HHIPL1: variants seen among roughly 807,000 people sequenced by gnomAD.
HHIPL1 encodes the protein HHIP-like protein 1.
In HHIPL1, 43 loss-of-function variants were observed where a neutral mutation model predicts 61.8. That is an observed-to-expected ratio of 0.70 (90% CI 0.55 to 0.90). The LOEUF is 0.90. Among genes scored for constraint, HHIPL1 ranks in the 40% least tolerant of loss-of-function variants. The probability of loss-of-function intolerance (pLI) is 0.00; values close to 1 mark genes in which losing one functional copy is unlikely to be tolerated. For missense variants in HHIPL1, 1,056 were observed against 1,157.7 expected (o/e 0.91, Z 1.28); for synonymous variants, 482 against 515.8 (o/e 0.93, Z 0.89).
At chr14:99,633,156 G>C in the HHIPL1 span, among the ~76,000 whole-genome samples, 1 of 152,116 alleles carries the variant, frequency 6.6e-6, no homozygotes. Flanking sequence ...TCCTCAATCA[G>C]CCCCAACTGA....
chr14:99,672,786 AGAC>A (rs1483183904), intron 8 of HHIPL1, among the ~76,000 whole-genome samples: 4 of 152,238 alleles, frequency 2.6e-5, no homozygotes, highest in Admixed American at 1.3e-4. Flanking sequence ...TGATGAGGAG[AGAC>A]GACAGAGCAG....
intron 1 of HHIPL1, among the ~76,000 whole-genome samples, chr14:99,649,564 G>A (rs1421234768): frequency 6.6e-6 from 1 of 152,204 alleles, no homozygotes; most frequent in East Asian, 1.9e-4. Flanking sequence ...GCCAAGGCGG[G>A]AGGATTGCTT....
chr14:99,640,225 ATGGT>A (rs2055733375), upstream of HHIPL1, among the ~76,000 whole-genome samples: 1 of 152,098 alleles, frequency 6.6e-6, no homozygotes, highest in Non-Finnish European at 1.5e-5. Flanking sequence ...AATTATTTTA[ATGGT>A]TGGGCTAGAG....
At chr14:99,649,393 T>G (rs2055891152) in intron 1 of HHIPL1, among the ~76,000 whole-genome samples, 1 of 152,196 alleles carries the variant, frequency 6.6e-6, no homozygotes, top group South Asian at 2.1e-4. Context: ...TGCTGACTAA[T>G]CTGGAAAGAA....
the HHIPL1 span, among the ~76,000 whole-genome samples, chr14:99,624,569 G>A: frequency 6.6e-6 from 1 of 152,188 alleles, no homozygotes; most frequent in Non-Finnish European, 1.5e-5. Context: ...GTGGGATCCA[G>A]CTCCCTGTGC....
chr14:99,655,212 A>G (rs1218687888), intron 2 of HHIPL1, among the ~76,000 whole-genome samples: 2 of 152,202 alleles, frequency 1.3e-5, no homozygotes, highest in African/African-American at 2.4e-5. Context: ...TGCTCACCAG[A>G]TCATATGCAC....
At chr14:99,605,506 A>T in the HHIPL1 span, among the ~76,000 whole-genome samples, 1 of 152,108 alleles carries the variant, frequency 6.6e-6, no homozygotes, top group Non-Finnish European at 1.5e-5. Flanking sequence ...TACAGTTGCT[A>T]AGCCGTTCAT....
chr14:99,650,602 C>T (rs1595149234), intron 1 of HHIPL1, among the ~76,000 whole-genome samples: 1 of 152,212 alleles, frequency 6.6e-6, no homozygotes, highest in African/African-American at 2.4e-5. Flanking sequence ...CAAACCCCAG[C>T]CCACTGGCAT....
intron 6 of HHIPL1, among the ~76,000 whole-genome samples, chr14:99,666,022 T>C (rs1214954640): frequency 2.0e-5 from 3 of 151,864 alleles, no homozygotes; most frequent in Non-Finnish European, 2.9e-5. Context: ...CCTCAAGTGA[T>C]CTGCCCGCCT....
chr14:99,610,023 G>A, the HHIPL1 span, among the ~76,000 whole-genome samples: 1 of 152,184 alleles, frequency 6.6e-6, no homozygotes, highest in Non-Finnish European at 1.5e-5. Context: ...AGAGCCAAGT[G>A]TGATGGAAAT....
In HHIPL1 at chr14:99,668,141, A is replaced by G; in HGVS notation, c.1649-81A>G. ...GGTTGGGGTCTATTTCCAAGCCTGC[A>G]GGGAGCCGGGTGGTGAGGCGGGGCT... On this transcript the variant is annotated intron_variant, in intron 6 of 8. Transcript: ENST00000330710. The surrounding 1 kb of genome is among the most constrained non-coding windows in gnomAD (Gnocchi z 4.7). 1.2e-6 allele frequency: 1 copy of G among 844,454 alleles called. No individual in the cohort carries two copies. The highest frequency in any genetic ancestry group is 2.1e-6 in the Non-Finnish European group (1 of 479,684). The allele number at this position is 844,454 out of a possible 1,614,324, so 52.3% of individuals were successfully genotyped here. A position where few individuals can be genotyped will look rare whatever the true frequency, so the allele number is the denominator to read the frequency against.
the HHIPL1 span, among the ~76,000 whole-genome samples, chr14:99,612,154 C>A: frequency 2.0e-5 from 3 of 152,210 alleles, no homozygotes; most frequent in Non-Finnish European, 4.4e-5. Context: ...AGGAAACTTA[C>A]CAATCACGGT....
the HHIPL1 span, among the ~76,000 whole-genome samples, chr14:99,631,054 TTC>T: frequency 0.015 from 1,140 of 75,454 alleles, 8 homozygotes; most frequent in South Asian, 0.031. Flanking sequence ...TCCATTTTCT[TTC>T]TTTCTTTCTT....
rs572405459 is a variant in HHIPL1, at chr14:99,675,661, G to A, written c.*35G>A. 3 of 1,472,322 alleles carry A rather than the reference G, an allele frequency of 2.0e-6. No homozygotes were observed. The highest frequency in any genetic ancestry group is 1.8e-6 in the Non-Finnish European group (2 of 1,112,256). 91.2% of individuals were successfully genotyped at this position (1,472,322 alleles called of 1,614,324 possible). ...CGCTGCCCCAGGCCATCCCGCCGGC[G>A]GGGGAGCCTGGCAGGGGCCGCTCCG... is the stretch of plus-strand genomic sequence containing the variant. On this transcript the variant is annotated 3_prime_UTR_variant, in exon 9 of 9. Coordinates refer to ENST00000330710, the MANE Select transcript of HHIPL1 (RefSeq NM_001127258.3). This position sits in a 1 kb window ranked among gnomAD's most constrained non-coding sequence, Gnocchi z 5.4.
In HHIPL1 at chr14:99,660,137, TGCTGTGGGCA is replaced by T; in HGVS notation, c.1376-142_1376-133del. 1.5e-6 allele frequency: 1 copy of T among 673,388 alleles called. No homozygotes were observed. The highest frequency in any genetic ancestry group is 2.2e-6 in the Non-Finnish European group (1 of 463,396). The allele number at this position is 673,388 out of a possible 1,614,324, so 41.7% of individuals were successfully genotyped here. ...GACACGCTTTCCACCACGCCAGCCC[TGCTGTGGGCA>T]CGCCAGCCCTGCTGTGGGCACGCCC... On this transcript the variant is annotated intron_variant, in intron 4 of 8. Transcript: ENST00000330710. The surrounding 1 kb of genome is among the most constrained non-coding windows in gnomAD (Gnocchi z 4.9).
rs1295630291 is a variant in HHIPL1 at position 99,678,811 on chromosome 14, C to T, written c.*3185C>T. Reference sequence around the variant, plus strand: ...AACAGTTACATAGAATAGGGCTTGACAAAGAGTTATTAGCATAAAGCAAGG... The same window carrying T: ...AACAGTTACATAGAATAGGGCTTGATAAAGAGTTATTAGCATAAAGCAAGG... On this transcript the variant is annotated 3_prime_UTR_variant, in exon 9 of 9. Transcript: ENST00000330710. 6.6e-6 allele frequency: 1 copy of T among 152,138 alleles called. No homozygotes were observed. The highest frequency in any genetic ancestry group is 2.4e-5 in the African/African-American group (1 of 41,418). The allele number at this position is 152,138 out of a possible 1,614,324, so 9.4% of individuals were successfully genotyped here. A position where few individuals can be genotyped will look rare whatever the true frequency, so the allele number is the denominator to read the frequency against.
chr14:99,645,359 G>A lies in HHIPL1; in HGVS notation c.152G>A (p.Gly51Glu), dbSNP rs1230259340. Residue 51 changes from glycine (G) to glutamate (E), a missense_variant, in exon 1 of 9, where the codon GGG becomes GAG. Coordinates refer to ENST00000330710, the MANE Select transcript of HHIPL1 (RefSeq NM_001127258.3). ...TCGGACTTCGGCTGCTGCGATGAGG[G>A]GCGCGACGCCGAGCTGACCCGCCGC... ...QYSDFGCCDE[G>E]RDAELTRRFW... The A allele has an allele frequency of 2.8e-6, 4 of 1,447,824 alleles. No individual in the cohort carries two copies. Among genetic ancestry groups the A allele is most frequent in the Non-Finnish European group, 2.7e-6 (3 of 1,104,298 alleles). 89.7% of individuals were successfully genotyped at this position (1,447,824 alleles called of 1,614,324 possible). A position where few individuals can be genotyped will look rare whatever the true frequency, so the allele number is the denominator to read the frequency against.
At chr14:99,674,969 A>G in intron 8 of HHIPL1, 122 bp from the exon 9 acceptor site, 1 of 418,324 alleles carries the variant, frequency 2.4e-6, no homozygotes, top group Non-Finnish European at 3.4e-6. Context: ...TGCAGGACAG[A>G]CCCAGGACAT....
At chr14:99,633,112 G>C in the HHIPL1 span, among the ~76,000 whole-genome samples, 2 of 152,120 alleles carry the variant, frequency 1.3e-5, no homozygotes, top group African/African-American at 4.8e-5. Context: ...GAGAAGCCCA[G>C]CATACTGGGG....
Sources: gnomAD v4.1 joint callset for allele counts (sites outside exome capture counted in the v4.1 genomes callset) on GRCh38, gnomAD v4.1.1 for gene constraint, Gnocchi (gnomAD v3.1) non-coding constraint, MANE v1.5 for transcripts, NCBI Gene and HGNC (gene_info 2026-07-23, HGNC 2026-07-21) for gene names.